SGK3: variants seen among roughly 807,000 people sequenced by gnomAD.
SGK3 encodes the protein serine/threonine-protein kinase Sgk3.
A neutral mutation model predicts 68.5 loss-of-function variants in SGK3; 47 were observed. The ratio of observed to expected loss-of-function variants is 0.69; its 90% CI spans 0.54 to 0.87. SGK3 has a LOEUF of 0.87. SGK3 is among the 40% of genes least tolerant of loss of function. SGK3 has a pLI of 0.00. For synonymous variants in SGK3, 181 were observed against 189.1 expected, an observed-to-expected ratio of 0.96 and a Z score of 0.35; for missense variants, 479 against 575.5, an observed-to-expected ratio of 0.83 and a Z score of 1.72.
At chr8:66,798,420 G>C in intron 2 of SGK3, 122 bp from the exon 3 acceptor site, 1 of 699,224 alleles carries the variant, frequency 1.4e-6, no homozygotes, top group Non-Finnish European at 2.3e-6. Context: ...CATCAGCCTT[G>C]GTGAAAGAGC....
At chr8:66,842,299 C>T (rs1266028246) in intron 13 of SGK3, among the ~76,000 whole-genome samples, 2 of 150,756 alleles carry the variant, frequency 1.3e-5, no homozygotes, top group Non-Finnish European at 2.9e-5. Flanking sequence ...CAGCTCACTG[C>T]AAGCTCCGCC....
chr8:66,732,931 T>C (rs1299488768), intron 1 of SGK3, among the ~76,000 whole-genome samples: 1 of 152,214 alleles, frequency 6.6e-6, no homozygotes, highest in Non-Finnish European at 1.5e-5. Context: ...ACTGCACTTG[T>C]AGTTAGAGTG....
At chr8:66,772,915 G>A (rs973402111) in intron 1 of SGK3, among the ~76,000 whole-genome samples, 9 of 152,232 alleles carry the variant, frequency 5.9e-5, no homozygotes, top group African/African-American at 4.8e-5. Context: ...CACCATAACT[G>A]GCCTGAGATA....
chr8:66,850,847 A>C lies in SGK3; in HGVS notation c.1247A>C (p.His416Pro). 6.2e-7 allele frequency: 1 copy of C among 1,607,316 alleles called. No homozygotes were observed. The highest frequency in any genetic ancestry group is 8.5e-7 in the Non-Finnish European group (1 of 1,176,540). Reference sequence around the variant, plus strand: ...ATATTCCAGCTTGAAATTCAGAATCATCCTTTTTTTGAATCACTCAGCTGG... The same window carrying C: ...ATATTCCAGCTTGAAATTCAGAATCCTCCTTTTTTTGAATCACTCAGCTGG... ...AKEDFLEIQNHPFFESLSWAD... is the reference protein window; with the variant it reads ...AKEDFLEIQNPPFFESLSWAD... Residue 416 changes from histidine (H) to proline (P), a missense_variant, in exon 16 of 17, where the codon CAT becomes CCT. By Grantham distance (77) the His-to-Pro change is moderately conservative. Around this residue, in one of 3 missense-constraint regions of SGK3, gnomAD observed 173 missense variants for 214.3 expected, o/e 0.81. Coordinates refer to ENST00000521198, the MANE Select transcript of SGK3 (RefSeq NM_001033578.3).
intron 1 of SGK3, among the ~76,000 whole-genome samples, chr8:66,759,047 A>G (rs1173087072): frequency 1.3e-5 from 2 of 151,602 alleles, no homozygotes; most frequent in African/African-American, 4.8e-5. Context: ...CCTCTGTCTT[A>G]ATAAGGCCTT....
At chr8:66,772,873 C>A (rs772459452) in intron 1 of SGK3, among the ~76,000 whole-genome samples, 1 of 152,150 alleles carries the variant, frequency 6.6e-6, no homozygotes, top group African/African-American at 2.4e-5. Flanking sequence ...CCTGCCTCGG[C>A]CTCCCAAAGT....
chr8:66,794,623 T>C (rs1436324066), intron 2 of SGK3, among the ~76,000 whole-genome samples: 6 of 152,142 alleles, frequency 3.9e-5, no homozygotes, highest in Non-Finnish European at 7.3e-5. Flanking sequence ...TTTAACCAGG[T>C]CTCAGGATAA....
chr8:66,728,081 A>G (rs1317126239), intron 1 of SGK3, among the ~76,000 whole-genome samples: 1 of 152,116 alleles, frequency 6.6e-6, no homozygotes, highest in East Asian at 1.9e-4. Flanking sequence ...CATCACCACT[A>G]TCTAATTCCA....
rs992850006 is a variant in SGK3, at chr8:66,813,902, A to G, written c.303A>G (p.Leu101=). ...GACTAAACGAATTCATTCAGAACCT[A>G]GTTAGGTATCCAGAACTTTATAACC... The part of the protein sequence containing the change: ...RAGLNEFIQN[L]VRYPELYNHP... The change falls in exon 5 of 17, where the codon CTA becomes CTG. Residue 101 remains leucine (L), a synonymous_variant. Coordinates refer to ENST00000521198, the MANE Select transcript of SGK3 (RefSeq NM_001033578.3). The G allele has an allele frequency of 5.6e-6, 9 of 1,596,922 alleles. No individual in the cohort carries two copies. The highest frequency in any genetic ancestry group is 2.3e-5 in the East Asian group (1 of 43,846).
chr8:66,821,592 A>G (rs914002105), intron 5 of SGK3, among the ~76,000 whole-genome samples: 2 of 151,398 alleles, frequency 1.3e-5, no homozygotes. Context: ...GGCTCACTGC[A>G]AGCTCCGCCT....
At chr8:66,844,558 T>C (rs1455677668) in intron 14 of SGK3, among the ~76,000 whole-genome samples, 1 of 152,228 alleles carries the variant, frequency 6.6e-6, no homozygotes, top group Non-Finnish European at 1.5e-5. Context: ...AGTACATGTA[T>C]GTTTTTCTGT....
At chr8:66,833,845 C>A (rs962675315) in intron 8 of SGK3, among the ~76,000 whole-genome samples, 1 of 152,198 alleles carries the variant, frequency 6.6e-6, no homozygotes, top group African/African-American at 2.4e-5. Context: ...GCGTGTGCCA[C>A]CACGCCCTGC....
At chr8:66,832,494 A>G (rs904640889) in intron 8 of SGK3, among the ~76,000 whole-genome samples, 1 of 152,228 alleles carries the variant, frequency 6.6e-6, no homozygotes, top group Non-Finnish European at 1.5e-5. Context: ...CACCTGCTAC[A>G]TGCTGAGTAT....
At chr8:66,791,360 G>A (rs1807446092) in intron 1 of SGK3, among the ~76,000 whole-genome samples, 1 of 152,102 alleles carries the variant, frequency 6.6e-6, no homozygotes, top group African/African-American at 2.4e-5. Flanking sequence ...AGAAAGAGTG[G>A]CGTTTGGGTC....
intron 1 of SGK3, among the ~76,000 whole-genome samples, chr8:66,752,569 A>G (rs778510133): frequency 6.6e-6 from 1 of 151,742 alleles, no homozygotes; most frequent in Non-Finnish European, 1.5e-5. Context: ...CAGAGAAAGG[A>G]GTAGGAGTTA....
chr8:66,763,716 A>T (rs551472877), intron 1 of SGK3, among the ~76,000 whole-genome samples: 15 of 152,216 alleles, frequency 9.9e-5, no homozygotes, highest in Non-Finnish European at 1.9e-4. Flanking sequence ...ACATATATTC[A>T]TACTGATACT....
At chr8:66,806,704 T>G (rs1238632657) in intron 4 of SGK3, among the ~76,000 whole-genome samples, 1 of 151,300 alleles carries the variant, frequency 6.6e-6, no homozygotes, top group Non-Finnish European at 1.5e-5. Flanking sequence ...TCCCAGCTAC[T>G]CGGGAGGCTG....
intron 16 of SGK3, among the ~76,000 whole-genome samples, chr8:66,858,194 G>A (rs1035535957): frequency 2.0e-5 from 3 of 152,136 alleles, no homozygotes; most frequent in South Asian, 2.1e-4. Flanking sequence ...GGACGGGTGC[G>A]GTGGCTCACG....
At chr8:66,805,941 G>A (rs1401485646) in intron 4 of SGK3, among the ~76,000 whole-genome samples, 5 of 152,122 alleles carry the variant, frequency 3.3e-5, no homozygotes, top group East Asian at 1.9e-4. Flanking sequence ...TATACCATTC[G>A]TTTTCCTCCC....
Sources: allele counts gnomAD v4.1 joint callset (sites outside exome capture counted in the v4.1 genomes callset), GRCh38; gene constraint gnomAD v4.1.1; regional missense constraint gnomAD v4.1.1; transcripts MANE v1.5; gene names NCBI Gene and HGNC (gene_info 2026-07-23, HGNC 2026-07-21).